Variants in LRRC4C observed in about 807,000 individuals in gnomAD.
LRRC4C encodes leucine-rich repeat-containing protein 4C.
Under a neutral mutation model 33.6 loss-of-function variants are expected in LRRC4C, and 5 were observed. The observed-to-expected ratio is 0.15, with a 90% CI of 0.08 to 0.31. LRRC4C has a LOEUF of 0.31. Ranked by LOEUF, LRRC4C falls within the 10% of genes least tolerant of loss-of-function variation. The pLI is 1.00. For synonymous variants in LRRC4C, 329 were observed against 302.0 expected (o/e 1.09, Z -0.93); for missense variants, 560 against 796.7 (o/e 0.70, Z 3.58).
At chr11:40,597,351 T>G (rs1959453358) in intron 3 of LRRC4C, among the ~76,000 whole-genome samples, 1 of 152,170 alleles carries the variant, frequency 6.6e-6, no homozygotes, top group African/African-American at 2.4e-5. Flanking sequence ...TCCACCCAGA[T>G]TTGACTGGAC....
chr11:40,176,563 A>G (rs1397699228), intron 5 of LRRC4C, among the ~76,000 whole-genome samples: 2 of 149,322 alleles, frequency 1.3e-5, no homozygotes, highest in African/African-American at 2.5e-5. Context: ...TTTAAGAGAC[A>G]GGGTCTCACT....
At chr11:40,202,597 G>A (rs779016586) in intron 5 of LRRC4C, among the ~76,000 whole-genome samples, 9 of 152,130 alleles carry the variant, frequency 5.9e-5, no homozygotes, top group Non-Finnish European at 1.0e-4. Context: ...TTAATTTCCC[G>A]AATAGGGGAA....
chr11:41,391,267 GA>G (rs1270558881), intron 1 of LRRC4C, among the ~76,000 whole-genome samples: 2 of 151,700 alleles, frequency 1.3e-5, no homozygotes, highest in African/African-American at 4.8e-5. Flanking sequence ...CACAACTCAA[GA>G]AGAAAAAAAT....
intron 3 of LRRC4C, among the ~76,000 whole-genome samples, chr11:40,638,516 G>A (rs1941902761): frequency 6.6e-6 from 1 of 152,138 alleles, no homozygotes; most frequent in African/African-American, 2.4e-5. Flanking sequence ...TAACTAAAAT[G>A]ATAAATGTGA....
chr11:41,135,697 T>C (rs899480309), intron 1 of LRRC4C, among the ~76,000 whole-genome samples: 12 of 152,154 alleles, frequency 7.9e-5, no homozygotes, highest in African/African-American at 2.7e-4. Flanking sequence ...ATATAATAAA[T>C]GCTCAATAAA....
At chr11:40,885,279 A>G (rs902133052) in intron 2 of LRRC4C, among the ~76,000 whole-genome samples, 6 of 151,704 alleles carry the variant, frequency 4.0e-5, no homozygotes, top group Non-Finnish European at 8.8e-5. Flanking sequence ...TGGACACTGT[A>G]TTTTTTATAA....
chr11:40,855,215 A>G (rs899748074), intron 2 of LRRC4C, among the ~76,000 whole-genome samples: 6 of 152,170 alleles, frequency 3.9e-5, no homozygotes, highest in South Asian at 2.1e-4. Context: ...ATCAATTTAT[A>G]AAGCATCTAA....
chr11:40,722,949 C>A (rs1463527221), intron 2 of LRRC4C, among the ~76,000 whole-genome samples: 1 of 152,052 alleles, frequency 6.6e-6, no homozygotes, highest in East Asian at 1.9e-4. Flanking sequence ...ACAGGAATTT[C>A]AAAATACATT....
At chr11:41,362,578 G>A (rs898948847) in intron 1 of LRRC4C, among the ~76,000 whole-genome samples, 1 of 151,892 alleles carries the variant, frequency 6.6e-6, no homozygotes, top group Admixed American at 6.6e-5. Context: ...ACTTCTTTAT[G>A]AGTGATATAT....
intron 5 of LRRC4C, among the ~76,000 whole-genome samples, chr11:40,194,302 C>T (rs537891207): frequency 6.6e-6 from 1 of 152,282 alleles, no homozygotes; most frequent in African/African-American, 2.4e-5. Context: ...GGCCAATATT[C>T]AACATTCTTA....
intron 1 of LRRC4C, among the ~76,000 whole-genome samples, chr11:41,318,856 C>T (rs758060261): frequency 2.6e-5 from 4 of 152,172 alleles, no homozygotes; most frequent in Non-Finnish European, 5.9e-5. Context: ...CACAACTTCA[C>T]ATTGTAGCTC....
intron 1 of LRRC4C, among the ~76,000 whole-genome samples, chr11:41,427,940 C>T (rs984998106): frequency 1.7e-4 from 26 of 152,014 alleles, no homozygotes; most frequent in African/African-American, 6.3e-4. Context: ...CCCTGCCAGC[C>T]AGAGAACAAC....
At chr11:41,348,696 G>A (rs1951877368) in intron 1 of LRRC4C, among the ~76,000 whole-genome samples, 2 of 152,038 alleles carry the variant, frequency 1.3e-5, no homozygotes, top group South Asian at 4.1e-4. Context: ...GAGCTAAAAG[G>A]GAAGAAAGCT....
rs557375537 is a variant in LRRC4C at position 41,212,877 on chromosome 11, G to C, written c.-496+246554C>G. ...TCTATTACTGATGGGCATTTAGGTT[G>C]ATTCCATGTACCTAACACATTGAAA... On this transcript the variant is annotated intron_variant, in intron 1 of 6. Coordinates refer to ENST00000528697, the MANE Select transcript of LRRC4C (RefSeq NM_001258419.2). Among the ~76,000 whole-genome samples, 55 of 152,288 alleles carry C rather than the reference G, an allele frequency of 3.6e-4. No homozygotes were observed. In the South Asian group the frequency reaches 6.0e-3, roughly 17 times the overall value.
intron 1 of LRRC4C, among the ~76,000 whole-genome samples, chr11:41,181,544 C>T (rs1001670609): frequency 6.6e-6 from 1 of 152,068 alleles, no homozygotes; most frequent in Non-Finnish European, 1.5e-5. Context: ...TTGTTATTAC[C>T]CTAATGAGTT....
chr11:40,563,805 A>G (rs1017187856), intron 3 of LRRC4C, among the ~76,000 whole-genome samples: 3 of 152,128 alleles, frequency 2.0e-5, no homozygotes, highest in African/African-American at 7.2e-5. Context: ...GTGCCTGAAG[A>G]TGTTACCCAA....
chr11:41,051,609 T>C (rs374416325), intron 1 of LRRC4C, among the ~76,000 whole-genome samples: 1 of 151,162 alleles, frequency 6.6e-6, no homozygotes, highest in South Asian at 2.1e-4. Context: ...TTTTTATTTA[T>C]TTTTTCAATC....
intron 3 of LRRC4C, among the ~76,000 whole-genome samples, chr11:40,525,551 A>C (rs1259655926): frequency 6.6e-6 from 1 of 152,150 alleles, no homozygotes; most frequent in East Asian, 1.9e-4. Flanking sequence ...CTAATGGAAA[A>C]GGAAAAAAGA....
chr11:40,348,180 A>T (rs1947222635), intron 3 of LRRC4C, among the ~76,000 whole-genome samples: 1 of 148,822 alleles, frequency 6.7e-6, no homozygotes, highest in South Asian at 2.2e-4. Flanking sequence ...GAGAATTATG[A>T]AAATGTGACA....
Sources: allele counts gnomAD v4.1 joint callset (sites outside exome capture counted in the v4.1 genomes callset), GRCh38; gene constraint gnomAD v4.1.1; transcripts MANE v1.5; gene names NCBI Gene and HGNC (gene_info 2026-07-23, HGNC 2026-07-21).